The following TAFA1 variants were observed in gnomAD, a reference collection of about 807,000 sequenced individuals.
TAFA1 encodes the protein chemokine-like protein TAFA-1.
TAFA1 carries 4 observed loss-of-function variants against 18.5 expected under a neutral mutation model. That is an observed-to-expected ratio of 0.22 (90% CI 0.11 to 0.49). The LOEUF is 0.49. TAFA1 is among the 20% of genes least tolerant of loss of function. TAFA1 has a pLI of 0.98. For synonymous variants in TAFA1, 56 were observed against 55.2 expected (o/e 1.01, Z -0.06); for missense variants, 147 against 169.0 (o/e 0.87, Z 0.72).
intron 3 of TAFA1, among the ~76,000 whole-genome samples, chr3:68,422,659 T>A (rs1181913367): frequency 6.6e-6 from 1 of 152,104 alleles, no homozygotes; most frequent in Non-Finnish European, 1.5e-5. Flanking sequence ...GGAGAAAATT[T>A]TAAGTGGTGA....
At chr3:68,048,323 G>T (rs186626564) in intron 2 of TAFA1, among the ~76,000 whole-genome samples, 1 of 152,112 alleles carries the variant, frequency 6.6e-6, no homozygotes, top group Non-Finnish European at 1.5e-5. Flanking sequence ...GAAAAAATTT[G>T]TGGGTAAGTA....
At chr3:68,505,263 T>C (rs1019375939) in intron 3 of TAFA1, among the ~76,000 whole-genome samples, 2 of 152,192 alleles carry the variant, frequency 1.3e-5, no homozygotes, top group Admixed American at 6.5e-5. Context: ...TAGTCACATA[T>C]GATGCAAGCT....
chr3:68,049,442 G>T (rs1341831862), intron 2 of TAFA1, among the ~76,000 whole-genome samples: 1 of 151,956 alleles, frequency 6.6e-6, no homozygotes, highest in Non-Finnish European at 1.5e-5. Flanking sequence ...TTTAATCCCT[G>T]AAGAAAAGAG....
At chr3:68,242,540 A>T (rs1282658470) in intron 2 of TAFA1, among the ~76,000 whole-genome samples, 5 of 152,128 alleles carry the variant, frequency 3.3e-5, no homozygotes. Flanking sequence ...GTTCCTAGCA[A>T]TTAGATGTTA....
At chr3:68,493,659 A>G (rs1407085260) in intron 3 of TAFA1, among the ~76,000 whole-genome samples, 3 of 152,200 alleles carry the variant, frequency 2.0e-5, no homozygotes, top group East Asian at 1.9e-4. Flanking sequence ...TTTATTTTTT[A>G]TAGTAGCCAT....
At chr3:68,533,233 C>T (rs1479350590) in intron 3 of TAFA1, among the ~76,000 whole-genome samples, 1 of 152,076 alleles carries the variant, frequency 6.6e-6, no homozygotes, top group Non-Finnish European at 1.5e-5. Flanking sequence ...CTCACAGTTC[C>T]ATGTGGCTGG....
chr3:68,007,376 T>C (rs371885693), intron 2 of TAFA1, among the ~76,000 whole-genome samples: 4 of 152,148 alleles, frequency 2.6e-5, no homozygotes, highest in African/African-American at 9.7e-5. Context: ...CGGACGCATT[T>C]TGCTTTCTTC....
intron 2 of TAFA1, among the ~76,000 whole-genome samples, chr3:68,213,660 C>A (rs1012503033): frequency 6.6e-6 from 1 of 152,050 alleles, no homozygotes; most frequent in East Asian, 1.9e-4. Flanking sequence ...CAGGAAGATG[C>A]ACACCTTACG....
chr3:68,213,876 A>T (rs1379074306), intron 2 of TAFA1, among the ~76,000 whole-genome samples: 1 of 152,096 alleles, frequency 6.6e-6, no homozygotes, highest in Non-Finnish European at 1.5e-5. Context: ...ATATTGAATC[A>T]ATTCAACCTT....
chr3:68,442,472 G>A (rs1296056293), intron 3 of TAFA1, among the ~76,000 whole-genome samples: 1 of 152,086 alleles, frequency 6.6e-6, no homozygotes, highest in South Asian at 2.1e-4. Context: ...TCTCTTGAAG[G>A]CCCCACCTCT....
intron 3 of TAFA1, among the ~76,000 whole-genome samples, chr3:68,511,395 C>G (rs1236658076): frequency 6.6e-6 from 1 of 152,078 alleles, no homozygotes; most frequent in Admixed American, 6.6e-5. Flanking sequence ...TATATTTCTA[C>G]TAGCAGACAA....
chr3:68,201,148 A>G (rs2066465596), intron 2 of TAFA1, among the ~76,000 whole-genome samples: 1 of 151,682 alleles, frequency 6.6e-6, no homozygotes, highest in African/African-American at 2.4e-5. Context: ...TGTGTTATTT[A>G]GGAATGTATT....
chr3:68,487,457 A>T (rs767618501), intron 3 of TAFA1, among the ~76,000 whole-genome samples: 9 of 152,132 alleles, frequency 5.9e-5, no homozygotes, highest in Admixed American at 1.3e-4. Flanking sequence ...TAAAATTTCT[A>T]TGACTGTTGG....
At chr3:68,517,024 T>G (rs1211870760) in intron 3 of TAFA1, among the ~76,000 whole-genome samples, 4 of 152,152 alleles carry the variant, frequency 2.6e-5, no homozygotes, top group Non-Finnish European at 5.9e-5. Flanking sequence ...TCCGCCCACC[T>G]CGGCCTCCCA....
intron 2 of TAFA1, among the ~76,000 whole-genome samples, chr3:68,392,504 AGCAGAACTAATAGACATCT>A (rs569389209): frequency 6.8e-4 from 104 of 152,302 alleles, no homozygotes; most frequent in African/African-American, 2.4e-3. Flanking sequence ...CTCTGGACCA[AGCAGAACTAATAGACATCT>A]GCAGAACCCT....
chr3:68,181,206 C>G (rs2066193907), intron 2 of TAFA1, among the ~76,000 whole-genome samples: 1 of 152,114 alleles, frequency 6.6e-6, no homozygotes, highest in Non-Finnish European at 1.5e-5. Context: ...TGGTGAGAGA[C>G]TCAGTCAGGT....
chr3:68,203,412 T>C (rs577081589), intron 2 of TAFA1, among the ~76,000 whole-genome samples: 1 of 151,800 alleles, frequency 6.6e-6, no homozygotes, highest in Non-Finnish European at 1.5e-5. Context: ...TGTCTGTTTC[T>C]GATGCTTGCT....
intron 2 of TAFA1, among the ~76,000 whole-genome samples, chr3:68,340,521 T>C (rs1385050792): frequency 6.6e-6 from 1 of 152,196 alleles, no homozygotes; most frequent in East Asian, 1.9e-4. Context: ...TTCCTTTAAA[T>C]AGACTCACCA....
intron 2 of TAFA1, among the ~76,000 whole-genome samples, chr3:68,352,103 A>C (rs1029287023): frequency 6.6e-6 from 1 of 151,994 alleles, no homozygotes; most frequent in African/African-American, 2.4e-5. Context: ...GGTCTGAAGG[A>C]GGTGGGAGAT....
Sources: allele counts gnomAD v4.1 joint callset (sites outside exome capture counted in the v4.1 genomes callset), GRCh38; gene constraint gnomAD v4.1.1; transcripts MANE v1.5; gene names NCBI Gene and HGNC (gene_info 2026-07-23, HGNC 2026-07-21).